Variants in EPB41L4B observed in about 807,000 individuals in gnomAD.
The protein encoded by EPB41L4B is erythrocyte membrane protein band 4.1 like 4B, also known as band 4.1-like protein 4B.
In EPB41L4B, 30 loss-of-function variants were observed where a neutral mutation model predicts 112.5. The observed-to-expected ratio is 0.27, with a 90% CI of 0.20 to 0.36. The LOEUF is 0.36. Among genes scored for constraint, EPB41L4B ranks in the 10% least tolerant of loss-of-function variants. The pLI is 1.00. For missense variants in EPB41L4B, 1,024 were observed against 1,133.3 expected, an observed-to-expected ratio of 0.90 and a Z score of 1.38; for synonymous variants, 408 against 439.7, an observed-to-expected ratio of 0.93 and a Z score of 0.90.
Position 109,255,518 on chromosome 9 carries a change from T to C in EPB41L4B, c.1162A>G (p.Arg388Gly). 6.2e-7 allele frequency: 1 copy of C among 1,614,066 alleles called. No individual in the cohort carries two copies. Among genetic ancestry groups the C allele is most frequent in the Non-Finnish European group, 8.5e-7 (1 of 1,179,892 alleles). ...GCAGAAATGGCTCCCTACCTGAATC[T>C]GAAGCGAGAGCCCAGCCTGATAAAG... is the stretch of plus-strand genomic sequence containing the variant. Reference protein sequence around the residue: ...SDFIRLGSRFRFSGRTEYQAT... With the variant: ...SDFIRLGSRFGFSGRTEYQAT... Residue 388 changes from arginine to glycine, a missense_variant, in exon 11 of 26, where the codon AGA (arginine) becomes GGA (glycine). Transcript: ENST00000374566.
intron 17 of EPB41L4B, among the ~76,000 whole-genome samples, chr9:109,208,686 A>G (rs963612927): frequency 3.9e-5 from 6 of 152,302 alleles, no homozygotes; most frequent in Admixed American, 3.3e-4. Flanking sequence ...AAGCAATAAT[A>G]TCTTTGAAAT....
intron 24 of EPB41L4B, among the ~76,000 whole-genome samples, chr9:109,179,307 C>T (rs896236568): frequency 3.9e-5 from 6 of 152,236 alleles, no homozygotes; most frequent in African/African-American, 4.8e-5. Context: ...AGCTTCCCAG[C>T]GCTGCTAAAC....
chr9:109,243,700 A>T lies in EPB41L4B; in HGVS notation c.1345-18T>A. 1 of 1,612,584 alleles carries T rather than the reference A, an allele frequency of 6.2e-7. No homozygotes were observed. Among genetic ancestry groups the T allele is most frequent in the Non-Finnish European group, 8.5e-7 (1 of 1,178,626 alleles). ...TATTGAGGCTAGAAATAAAACACCA[A>T]ACTTGATTATTTGATGACCTTTTAA... On this transcript the variant is annotated intron_variant, in intron 14 of 25. Coordinates refer to ENST00000374566, the MANE Select transcript of EPB41L4B (RefSeq NM_019114.5).
Position 109,255,386 on chromosome 9 carries a change from G to A in EPB41L4B, c.1169+125C>T, listed in dbSNP as rs570833204. ...GCTTCAGTTACTCACCTTAAGAAACGTGGGGATGGGACACACAACCTAAGT... is the reference window on the plus strand; with the variant it reads ...GCTTCAGTTACTCACCTTAAGAAACATGGGGATGGGACACACAACCTAAGT... On this transcript the variant is annotated intron_variant, in intron 11 of 25. Coordinates refer to ENST00000374566, the MANE Select transcript of EPB41L4B (RefSeq NM_019114.5). The A allele has an allele frequency of 8.3e-4, 916 of 1,100,482 alleles. 20 individuals carry two copies. The South Asian group carries it at 0.012, about 15-fold the overall frequency. 68.2% of individuals were successfully genotyped at this position (1,100,482 alleles called of 1,614,324 possible).
intron 15 of EPB41L4B, among the ~76,000 whole-genome samples, chr9:109,228,701 A>G (rs1381837109): frequency 1.3e-5 from 2 of 152,212 alleles, no homozygotes; most frequent in Admixed American, 1.3e-4. Context: ...ACCATCCTCA[A>G]AACTGGGTGT....
intron 1 of EPB41L4B, among the ~76,000 whole-genome samples, chr9:109,318,811 A>G (rs1171755417): frequency 6.6e-6 from 1 of 152,198 alleles, no homozygotes; most frequent in East Asian, 1.9e-4. Flanking sequence ...TTCATAGCAA[A>G]ATGATATCTT....
chr9:109,248,182 G>A (rs961497990), intron 13 of EPB41L4B, among the ~76,000 whole-genome samples: 4 of 152,182 alleles, frequency 2.6e-5, no homozygotes, highest in African/African-American at 9.7e-5. Context: ...CCAGTGATGC[G>A]CAGAGCCTCT....
chr9:109,268,624 C>A (rs937907806), intron 2 of EPB41L4B, among the ~76,000 whole-genome samples, 191 bp from the exon 3 acceptor site: 1 of 152,032 alleles, frequency 6.6e-6, no homozygotes, highest in Non-Finnish European at 1.5e-5. Context: ...GTTGGCCGGG[C>A]GCGGTGGCTC....
chr9:109,235,898 G>A (rs1443672561), intron 15 of EPB41L4B, among the ~76,000 whole-genome samples: 1 of 152,230 alleles, frequency 6.6e-6, no homozygotes, highest in Non-Finnish European at 1.5e-5. Context: ...GTGTCCAGAA[G>A]AAATTGGCCA....
chr9:109,280,533 C>T (rs66696216), intron 1 of EPB41L4B, among the ~76,000 whole-genome samples: 4,000 of 152,272 alleles, frequency 0.026, 88 homozygotes, highest in Non-Finnish European at 0.042. Context: ...CCTGCATCTG[C>T]CACTTGACTT....
chr9:109,275,131 T>C (rs970826404), intron 2 of EPB41L4B, among the ~76,000 whole-genome samples: 1 of 152,108 alleles, frequency 6.6e-6, no homozygotes, highest in South Asian at 2.1e-4. Context: ...TAAAAATAGG[T>C]GATATCAATA....
chr9:109,277,398 G>A (rs1326957348), intron 2 of EPB41L4B, among the ~76,000 whole-genome samples: 4 of 151,796 alleles, frequency 2.6e-5, no homozygotes, highest in African/African-American at 7.3e-5. Context: ...GAACGACCTC[G>A]GTCTTCTCAG....
chr9:109,284,581 T>C (rs750952226), intron 1 of EPB41L4B, among the ~76,000 whole-genome samples: 36 of 152,220 alleles, frequency 2.4e-4, no homozygotes, highest in South Asian at 1.0e-3. Context: ...CTGGGCTAAT[T>C]TTAAAATATT....
intron 1 of EPB41L4B, among the ~76,000 whole-genome samples, chr9:109,292,741 T>A (rs1309350851): frequency 6.6e-6 from 1 of 152,246 alleles, no homozygotes; most frequent in Non-Finnish European, 1.5e-5. Flanking sequence ...AGAGGGGGTC[T>A]CTGTCCTTTT....
intron 22 of EPB41L4B, among the ~76,000 whole-genome samples, chr9:109,191,202 A>G (rs899814941): frequency 2.0e-5 from 3 of 152,188 alleles, no homozygotes; most frequent in Admixed American, 1.3e-4. Context: ...GGTACCAAGG[A>G]AAGCCCAAAA....
rs576983731 is a variant in EPB41L4B, at chr9:109,173,695, G to A, written c.*859C>T. 6.6e-6 allele frequency: 1 copy of A among 152,558 alleles called. No homozygotes were observed. Among genetic ancestry groups the A allele is most frequent in the Non-Finnish European group, 1.5e-5 (1 of 68,020 alleles). 9.5% of individuals were successfully genotyped at this position (152,558 alleles called of 1,614,324 possible). On this transcript the variant is annotated 3_prime_UTR_variant, in exon 26 of 26. Coordinates refer to ENST00000374566, the MANE Select transcript of EPB41L4B (RefSeq NM_019114.5). ...ATTTAGAGGGATATTTTGTGGTTAG[G>A]GGGTTGCTTTATTCCTGCAAAGTTG...
chr9:109,316,881 C>T (rs1304633039), intron 1 of EPB41L4B, among the ~76,000 whole-genome samples: 1 of 152,150 alleles, frequency 6.6e-6, no homozygotes, highest in Non-Finnish European at 1.5e-5. Flanking sequence ...GCAGGAGGAT[C>T]GCTTGAGCCT....
At chr9:109,247,385 C>T (rs1431469170) in intron 14 of EPB41L4B, among the ~76,000 whole-genome samples, 1 of 152,042 alleles carries the variant, frequency 6.6e-6, no homozygotes, top group East Asian at 1.9e-4. Flanking sequence ...CCTGGAAGCC[C>T]ATCTCAAGGG....
At chr9:109,268,686 C>T (rs1488431412) in intron 2 of EPB41L4B, among the ~76,000 whole-genome samples, 1 of 151,982 alleles carries the variant, frequency 6.6e-6, no homozygotes, top group African/African-American at 2.4e-5. Context: ...ATCACGAGGT[C>T]AGGAGATCGA....
Sources: gnomAD v4.1 joint callset for allele counts (sites outside exome capture counted in the v4.1 genomes callset) on GRCh38, gnomAD v4.1.1 for gene constraint, MANE v1.5 for transcripts, NCBI Gene and HGNC (gene_info 2026-07-23, HGNC 2026-07-21) for gene names.